The following COMMD1 variants were observed in gnomAD, a reference collection of about 807,000 sequenced individuals.
The protein encoded by COMMD1 is COMM domain-containing protein 1.
COMMD1 carries 10 observed loss-of-function variants against 17.2 expected under a neutral mutation model. The observed-to-expected ratio is 0.58, with a 90% CI of 0.36 to 0.99. The LOEUF (loss-of-function observed/expected upper bound fraction) is 0.99, where lower values mean the gene tolerates loss of function less well. Among genes scored for constraint, COMMD1 ranks in the 50% least tolerant of loss-of-function variants. The pLI, the probability that COMMD1 is intolerant of heterozygous loss-of-function variation, is 0.01. For missense variants in COMMD1, 270 were observed against 231.8 expected (o/e 1.17, Z -1.07); for synonymous variants, 97 against 91.6 (o/e 1.06, Z -0.34).
intron 1 of COMMD1, among the ~76,000 whole-genome samples, chr2:61,956,260 T>G (rs980184623): frequency 6.6e-6 from 1 of 152,228 alleles, no homozygotes; most frequent in Non-Finnish European, 1.5e-5. Context: ...CTTATCAGCT[T>G]TGTTGAAAAT....
chr2:62,024,432 G>A (rs908318340), intron 2 of COMMD1, among the ~76,000 whole-genome samples: 1 of 152,100 alleles, frequency 6.6e-6, no homozygotes, highest in African/African-American at 2.4e-5. Flanking sequence ...TATAATATAT[G>A]TGATTATACT....
intron 1 of COMMD1, among the ~76,000 whole-genome samples, chr2:61,988,520 G>C (rs13021977): frequency 0.14 from 21,069 of 152,156 alleles, 1,566 homozygotes; most frequent in East Asian, 0.22. Flanking sequence ...TACTTTGGCT[G>C]AGCTGGTGTC....
chr2:61,894,465 TAATC>T (rs1426873802), intron 1 of COMMD1, among the ~76,000 whole-genome samples: 2 of 151,876 alleles, frequency 1.3e-5, no homozygotes, highest in African/African-American at 2.4e-5. Flanking sequence ...AAAAAAATAT[TAATC>T]AAGTTCCTAG....
intron 2 of COMMD1, among the ~76,000 whole-genome samples, chr2:62,036,719 G>A (rs1343472041): frequency 2.0e-5 from 3 of 152,170 alleles, no homozygotes; most frequent in African/African-American, 4.8e-5. Context: ...CCTGTCATTG[G>A]TGGTTGTATA....
chr2:62,061,306 A>G (rs1241043316), intron 2 of COMMD1, among the ~76,000 whole-genome samples: 2 of 152,092 alleles, frequency 1.3e-5, no homozygotes, highest in Non-Finnish European at 2.9e-5. Flanking sequence ...AGATATATGG[A>G]TTCTGTTATG....
chr2:61,896,488 G>T (rs1031215949), intron 1 of COMMD1, among the ~76,000 whole-genome samples: 4 of 152,192 alleles, frequency 2.6e-5, no homozygotes, highest in African/African-American at 9.7e-5. Flanking sequence ...GGCTGAGGCA[G>T]GAGGATCCTT....
At chr2:62,126,521 C>G (rs1272702092) in intron 2 of COMMD1, among the ~76,000 whole-genome samples, 1 of 152,166 alleles carries the variant, frequency 6.6e-6, no homozygotes, top group Admixed American at 6.5e-5. Flanking sequence ...CTCTAATGAT[C>G]AGTGACATTG....
intron 1 of COMMD1, among the ~76,000 whole-genome samples, chr2:61,893,078 G>C (rs1669473464): frequency 6.6e-6 from 1 of 151,958 alleles, no homozygotes; most frequent in African/African-American, 2.4e-5. Flanking sequence ...TGTTGGCCAG[G>C]CTGGTTTCGA....
chr2:61,888,550 G>A (rs761086432), upstream of COMMD1: 3 of 1,594,228 alleles, frequency 1.9e-6, no homozygotes, highest in South Asian at 1.1e-5. Flanking sequence ...AAGGACGGAT[G>A]GACCCGGATT....
intron 2 of COMMD1, among the ~76,000 whole-genome samples, chr2:62,009,484 A>C (rs1249751590): frequency 6.6e-6 from 1 of 152,008 alleles, no homozygotes; most frequent in Non-Finnish European, 1.5e-5. Flanking sequence ...ACATGCCTGT[A>C]GTCCCAACTA....
intron 1 of COMMD1, among the ~76,000 whole-genome samples, chr2:61,987,294 T>G (rs1019334072): frequency 4.6e-5 from 7 of 152,196 alleles, no homozygotes; most frequent in Non-Finnish European, 1.0e-4. Context: ...TATTATAGTC[T>G]TCACCATCTA....
intron 1 of COMMD1, among the ~76,000 whole-genome samples, chr2:61,993,871 G>T (rs114543240): frequency 0.011 from 1,728 of 152,274 alleles, 37 homozygotes; most frequent in African/African-American, 0.04. Context: ...GAAGAAGAAT[G>T]ATACAAATTA....
At chr2:61,956,952 G>T (rs11679912) in intron 1 of COMMD1, among the ~76,000 whole-genome samples, 43,306 of 151,262 alleles carry the variant, frequency 0.29, 8,059 homozygotes, top group African/African-American at 0.54. Flanking sequence ...GGTTTCACCA[G>T]GTTGGCCAGG....
At chr2:62,019,235 G>A (rs1317532091) in intron 2 of COMMD1, among the ~76,000 whole-genome samples, 6 of 150,898 alleles carry the variant, frequency 4.0e-5, no homozygotes, top group African/African-American at 9.7e-5. Context: ...GTGCAATGGC[G>A]CGATCTCAGC....
intron 1 of COMMD1, among the ~76,000 whole-genome samples, chr2:61,976,950 T>C (rs2103740486): frequency 6.6e-6 from 1 of 151,830 alleles, no homozygotes; most frequent in African/African-American, 2.4e-5. Flanking sequence ...TGCCTCAGCC[T>C]CCGGAGTAGC....
chr2:62,003,640 A>ACC (rs1375874210), intron 2 of COMMD1, among the ~76,000 whole-genome samples: 119 of 148,566 alleles, frequency 8.0e-4, no homozygotes, highest in African/African-American at 1.8e-3. Context: ...ACACACACAC[A>ACC]CCCAACAGAT....
intron 1 of COMMD1, among the ~76,000 whole-genome samples, chr2:61,931,169 G>A (rs546912517): frequency 1.1e-4 from 17 of 151,896 alleles, no homozygotes; most frequent in Non-Finnish European, 2.1e-4. Flanking sequence ...AAAATTAGCC[G>A]GGTGTGGTGG....
At chr2:61,906,797 G>A (rs1480236567) in intron 1 of COMMD1, among the ~76,000 whole-genome samples, 1 of 152,010 alleles carries the variant, frequency 6.6e-6, no homozygotes, top group African/African-American at 2.4e-5. Context: ...TAAGAAACAG[G>A]TCCAGGGAAT....
At chr2:62,126,073 A>G (rs1251487017) in intron 2 of COMMD1, among the ~76,000 whole-genome samples, 2 of 152,166 alleles carry the variant, frequency 1.3e-5, no homozygotes, top group African/African-American at 4.8e-5. Flanking sequence ...TTTGAGCTCC[A>G]TCTGTGTACC....
Sources: allele counts gnomAD v4.1 joint callset (sites outside exome capture counted in the v4.1 genomes callset), GRCh38; gene constraint gnomAD v4.1.1; transcripts MANE v1.5; gene names NCBI Gene and HGNC (gene_info 2026-07-23, HGNC 2026-07-21).